Variants in SGMS2 observed in about 807,000 individuals in gnomAD.
SGMS2 encodes the protein sphingomyelin synthase 2, also known as phosphatidylcholine:ceramide cholinephosphotransferase 2.
A neutral mutation model predicts 43.8 loss-of-function variants in SGMS2; 21 were observed. That is an observed-to-expected ratio of 0.48 (90% CI 0.34 to 0.69). The LOEUF (loss-of-function observed/expected upper bound fraction) is 0.69. Ranked by LOEUF, SGMS2 falls within the 30% of genes least tolerant of loss-of-function variation. The pLI, the probability that SGMS2 is intolerant of heterozygous loss-of-function variation, is 0.01. For missense variants in SGMS2, 384 were observed against 443.2 expected (o/e 0.87, Z 1.20); for synonymous variants, 167 against 160.6 (o/e 1.04, Z -0.30).
chr4:107,832,915 C>A (rs1578496589), intron 1 of SGMS2, among the ~76,000 whole-genome samples: 1 of 152,182 alleles, frequency 6.6e-6, no homozygotes, highest in East Asian at 1.9e-4. Flanking sequence ...GAAGTCCCAG[C>A]TATTTGGGAG....
chr4:107,885,517 T>G (rs1048403703), intron 2 of SGMS2, among the ~76,000 whole-genome samples: 6 of 152,198 alleles, frequency 3.9e-5, no homozygotes, highest in Non-Finnish European at 7.4e-5. Context: ...GGAAAAGTCT[T>G]CTGCTGCTTT....
chr4:107,826,522 C>T (rs969685314), intron 1 of SGMS2, among the ~76,000 whole-genome samples: 1 of 152,004 alleles, frequency 6.6e-6, no homozygotes, highest in Admixed American at 6.6e-5. Flanking sequence ...GAAGAAAGGA[C>T]GTGAGGAAGC....
At position 107,909,305 on chromosome 4, in the gene SGMS2, T is replaced by G. The variant is rs1224384796; in HGVS notation, c.894+574T>G. Among the ~76,000 whole-genome samples, 3 of 152,224 alleles carry G rather than the reference T, an allele frequency of 2.0e-5. No individual in the cohort carries two copies. In the East Asian group the frequency reaches 5.8e-4, roughly 30 times the overall value. ...TTTGTATTTTTAGTAGAGACAGGGT[T>G]TCACCATGTTGGCCAGGCTGGCCTT... On this transcript the variant is annotated intron_variant, in intron 6 of 6. Coordinates refer to ENST00000690982, the MANE Select transcript of SGMS2 (RefSeq NM_001375905.1).
rs34455885 is a variant in SGMS2, at chr4:107,890,953, GA to G, written c.-244-4349del. Among the ~76,000 whole-genome samples, 4 of 151,728 alleles carry G rather than the reference GA, an allele frequency of 2.6e-5. No homozygotes were observed. In the East Asian group the frequency reaches 5.8e-4, roughly 22 times the overall value. On this transcript the variant is annotated intron_variant, in intron 2 of 6. Coordinates refer to ENST00000690982, the MANE Select transcript of SGMS2 (RefSeq NM_001375905.1). ...AACAAAACTCAGGCTGTCATGGTGG[GA>G]AAAAAAAGGCAGAACCCTAGCTATT...
intron 1 of SGMS2, among the ~76,000 whole-genome samples, chr4:107,857,357 T>C (rs1004817953): frequency 6.6e-6 from 1 of 151,904 alleles, no homozygotes; most frequent in Admixed American, 6.6e-5. Context: ...GGTGTTTTCA[T>C]TTTTTTGGGG....
chr4:107,877,547 G>T (rs578176527), intron 2 of SGMS2, among the ~76,000 whole-genome samples: 1 of 152,150 alleles, frequency 6.6e-6, no homozygotes, highest in African/African-American at 2.4e-5. Context: ...CTAAACAACT[G>T]CTGGCTGCTT....
intron 3 of SGMS2, 127 bp downstream of exon 3, chr4:107,896,135 A>G: frequency 2.4e-6 from 2 of 826,612 alleles, no homozygotes; most frequent in Non-Finnish European, 1.9e-6. Context: ...TTGATGAAAG[A>G]AAACAGTAGA....
At chr4:107,867,714 C>T (rs1286349837) in intron 2 of SGMS2, 2 of 152,122 alleles carry the variant, frequency 1.3e-5, no homozygotes, top group African/African-American at 4.8e-5. Flanking sequence ...ATAATCAAAG[C>T]ATTTAGAACT....
At chr4:107,908,798 G>A (rs1469889610) in intron 6 of SGMS2, 67 bp downstream of exon 6, 3 of 1,459,948 alleles carry the variant, frequency 2.1e-6, no homozygotes, top group Non-Finnish European at 2.8e-6. Flanking sequence ...TTCATGTCGT[G>A]GGGTTTTAGA....
rs1301465208 is a variant in SGMS2, at chr4:107,910,729, T to C, written c.*176T>C. ...GCCCTTTGACTGGTTTTCTTCTTCATCCTGAGAAAGATACATTCTCTTGCA... is the reference window on the plus strand; with the variant it reads ...GCCCTTTGACTGGTTTTCTTCTTCACCCTGAGAAAGATACATTCTCTTGCA... On this transcript the variant is annotated 3_prime_UTR_variant, in exon 7 of 7. Transcript: ENST00000690982. 1.6e-6 allele frequency: 1 copy of C among 609,430 alleles called. No homozygotes were observed. The highest frequency in any genetic ancestry group is 1.8e-5 in the African/African-American group (1 of 54,072). The allele number at this position is 609,430 out of a possible 1,614,324, so 37.8% of individuals were successfully genotyped here. A position where few individuals can be genotyped will look rare whatever the true frequency, so the allele number is the denominator to read the frequency against.
At chr4:107,892,668 T>C (rs1228612906) in intron 2 of SGMS2, among the ~76,000 whole-genome samples, 1 of 152,032 alleles carries the variant, frequency 6.6e-6, no homozygotes, top group Non-Finnish European at 1.5e-5. Context: ...TCCGGAAAGG[T>C]GGGACAACTC....
At chr4:107,888,603 CA>C (rs1023545074) in intron 2 of SGMS2, among the ~76,000 whole-genome samples, 496 of 148,038 alleles carry the variant, frequency 3.4e-3, no homozygotes, top group African/African-American at 5.3e-3. Flanking sequence ...GCTTTCTTAC[CA>C]AAAAAAAAAT....
chr4:107,877,985 G>A (rs1280056802), intron 2 of SGMS2, among the ~76,000 whole-genome samples: 16 of 141,492 alleles, frequency 1.1e-4, no homozygotes, highest in Admixed American at 3.7e-4. Flanking sequence ...GTGCAATCTC[G>A]GCTCACTGCA....
chr4:107,824,878 G>A (rs1264194606), upstream of SGMS2: 2 of 152,550 alleles, frequency 1.3e-5, no homozygotes, highest in Non-Finnish European at 1.5e-5. Flanking sequence ...GCAGGGCGCA[G>A]GGAGCGGGCC....
At chr4:107,849,591 A>T (rs1727023402) in intron 1 of SGMS2, among the ~76,000 whole-genome samples, 1 of 152,142 alleles carries the variant, frequency 6.6e-6, no homozygotes, top group Non-Finnish European at 1.5e-5. Context: ...GGTACAGATG[A>T]ACTGCAAATT....
intron 1 of SGMS2, among the ~76,000 whole-genome samples, chr4:107,840,515 C>A (rs866236299): frequency 6.6e-6 from 1 of 152,018 alleles, no homozygotes; most frequent in East Asian, 1.9e-4. Flanking sequence ...ATTGATATAC[C>A]CAAGGGTAGA....
chr4:107,896,385 G>A (rs1730675780), intron 3 of SGMS2, among the ~76,000 whole-genome samples: 1 of 152,108 alleles, frequency 6.6e-6, no homozygotes. Flanking sequence ...TTGACAAGTG[G>A]GAAAAGGAAT....
chr4:107,894,097 A>G (rs1301105479), intron 2 of SGMS2, among the ~76,000 whole-genome samples: 1 of 151,776 alleles, frequency 6.6e-6, no homozygotes, highest in Non-Finnish European at 1.5e-5. Context: ...ATTGACTGCC[A>G]TTTTCGCTGT....
In SGMS2 at chr4:107,908,732, G is replaced by T; in HGVS notation, c.894+1G>T. The T allele has an allele frequency of 1.2e-6, 2 of 1,610,510 alleles. No homozygotes were observed. Among genetic ancestry groups the T allele is most frequent in the Non-Finnish European group, 1.7e-6 (2 of 1,178,402 alleles). On this transcript the variant is annotated splice_donor_variant, in intron 6 of 6. Transcript: ENST00000690982. LOFTEE classifies it high-confidence loss of function. The stretch of plus-strand genomic sequence containing the variant: ...GTACCATTCAATGGCCAATGAAAAG[G>T]TGAGAGCAGTGAAGATGCTTGGATA...
Sources: allele counts gnomAD v4.1 joint callset (sites outside exome capture counted in the v4.1 genomes callset), GRCh38; gene constraint gnomAD v4.1.1; transcripts MANE v1.5; gene names NCBI Gene and HGNC (gene_info 2026-07-23, HGNC 2026-07-21).